CNKSR3: variants seen among roughly 807,000 people sequenced by gnomAD.
CNKSR3 encodes the protein CNKSR family member 3.
In CNKSR3, 36 loss-of-function variants were observed where a neutral mutation model predicts 67.7. That is an observed-to-expected ratio of 0.53 (90% CI 0.41 to 0.70). The LOEUF is 0.70. Ranked by LOEUF, CNKSR3 falls within the 30% of genes least tolerant of loss-of-function variation. The probability of loss-of-function intolerance (pLI) is 0.00; values close to 1 mark genes in which losing one functional copy is unlikely to be tolerated. For missense variants in CNKSR3, 630 were observed against 695.2 expected (o/e 0.91, Z 1.05); for synonymous variants, 281 against 271.4 (o/e 1.04, Z -0.35).
At chr6:154,490,922 C>T (rs1035366708) in intron 1 of CNKSR3, among the ~76,000 whole-genome samples, 4 of 152,012 alleles carry the variant, frequency 2.6e-5, no homozygotes, top group African/African-American at 9.7e-5. Context: ...TCTTGGCTCA[C>T]TGCAACCCTC....
intron 10 of CNKSR3, 94 bp downstream of exon 10, chr6:154,414,205 G>T: frequency 7.4e-7 from 1 of 1,355,770 alleles, no homozygotes; most frequent in Non-Finnish European, 9.9e-7. Flanking sequence ...CTGTGGCTCA[G>T]CAACTTCCTC....
At chr6:154,429,701 C>T (rs1785325673) in intron 6 of CNKSR3, among the ~76,000 whole-genome samples, 1 of 152,068 alleles carries the variant, frequency 6.6e-6, no homozygotes, top group African/African-American at 2.4e-5. Context: ...ACATTAGATA[C>T]TTTCCCCCTC....
chr6:154,461,981 A>T (rs1472328040), intron 1 of CNKSR3, among the ~76,000 whole-genome samples: 1 of 152,252 alleles, frequency 6.6e-6, no homozygotes, highest in Non-Finnish European at 1.5e-5. Context: ...GAGGCTGGAA[A>T]AGGGCCGAAA....
At position 154,494,314 on chromosome 6, in the gene CNKSR3, G is replaced by A. The variant is rs1010114308; in HGVS notation, c.52+15749C>T. Among the ~76,000 whole-genome samples, 17 of 152,238 alleles carry A rather than the reference G, an allele frequency of 1.1e-4. No individual in the cohort carries two copies. In the South Asian group the frequency reaches 2.9e-3, roughly 26 times the overall value. ...TATGAGAACTCACTCACTATCATGA[G>A]AATAGCATAGGGGAAACTGTCCCCA... On this transcript the variant is annotated intron_variant, in intron 1 of 12. Coordinates refer to ENST00000607772, the MANE Select transcript of CNKSR3 (RefSeq NM_173515.4).
rs1265367015 is a variant in CNKSR3 at position 154,395,958 on chromosome 6, T to G, written c.*10396A>C. The G allele has an allele frequency of 6.6e-6, 1 of 152,436 alleles. No homozygotes were observed. Among genetic ancestry groups the G allele is most frequent in the Non-Finnish European group, 1.5e-5 (1 of 68,240 alleles). 9.4% of individuals were successfully genotyped at this position (152,436 alleles called of 1,614,324 possible). ...GTTGTCCAGGCTGGTCTCAAACTCC[T>G]GGGCTCAAGCAATCCACCGGCCTCA... On this transcript the variant is annotated 3_prime_UTR_variant, in exon 13 of 13. Transcript: ENST00000607772.
intron 1 of CNKSR3, among the ~76,000 whole-genome samples, chr6:154,464,073 G>C (rs1411193997): frequency 6.6e-6 from 1 of 152,206 alleles, no homozygotes; most frequent in Non-Finnish European, 1.5e-5. Flanking sequence ...TACATGATAA[G>C]ATCATACGAG....
At chr6:154,446,839 C>G (rs1222521701) in intron 2 of CNKSR3, among the ~76,000 whole-genome samples, 1 of 139,786 alleles carries the variant, frequency 7.2e-6, no homozygotes, top group Non-Finnish European at 1.5e-5. Context: ...GTGTCTCACT[C>G]TGTCGCCCAG....
At chr6:154,465,362 T>A (rs1229374407) in intron 1 of CNKSR3, among the ~76,000 whole-genome samples, 1 of 152,118 alleles carries the variant, frequency 6.6e-6, no homozygotes, top group Non-Finnish European at 1.5e-5. Flanking sequence ...AATGCACATA[T>A]AAAATTACAC....
chr6:154,424,230 CAAAAAAAA>C (rs56218677), intron 7 of CNKSR3, among the ~76,000 whole-genome samples: 1 of 73,010 alleles, frequency 1.4e-5, no homozygotes, highest in Admixed American at 1.4e-4. Context: ...GACTCCGTCT[CAAAAAAAA>C]AAAAAAAAAA....
intron 1 of CNKSR3, among the ~76,000 whole-genome samples, chr6:154,474,387 C>T (rs79004482): frequency 0.099 from 14,619 of 147,444 alleles, 833 homozygotes; most frequent in South Asian, 0.19. Context: ...CACTCCAGCC[C>T]GGGTGACAAA....
At chr6:154,453,540 C>A (rs1282049788) in intron 1 of CNKSR3, among the ~76,000 whole-genome samples, 1 of 152,138 alleles carries the variant, frequency 6.6e-6, no homozygotes, top group Non-Finnish European at 1.5e-5. Flanking sequence ...CACGTTACTG[C>A]CCACATAAGA....
At chr6:154,496,416 C>A (rs1786879728) in intron 1 of CNKSR3, among the ~76,000 whole-genome samples, 1 of 142,948 alleles carries the variant, frequency 7.0e-6, no homozygotes, top group African/African-American at 2.5e-5. Flanking sequence ...TCCACAGCAG[C>A]CCGCAGGAGA....
intron 4 of CNKSR3, among the ~76,000 whole-genome samples, chr6:154,436,021 G>A (rs1411331002): frequency 2.6e-5 from 4 of 152,210 alleles, no homozygotes; most frequent in South Asian, 4.1e-4. Context: ...GTGATGGCAC[G>A]CGTCAAGCGT....
chr6:154,429,474 A>C (rs928121013), intron 6 of CNKSR3, among the ~76,000 whole-genome samples: 1 of 152,152 alleles, frequency 6.6e-6, no homozygotes, highest in Non-Finnish European at 1.5e-5. Context: ...CTGCCTACTC[A>C]GGACATTTAT....
intron 1 of CNKSR3, among the ~76,000 whole-genome samples, chr6:154,492,997 A>AC (rs200163284): frequency 6.6e-6 from 1 of 151,938 alleles, no homozygotes; most frequent in Non-Finnish European, 1.5e-5. Context: ...CCCTGATCCC[A>AC]CCCTTGCAAA....
At chr6:154,433,369 A>T in intron 5 of CNKSR3, 97 bp downstream of exon 5, 1 of 805,010 alleles carries the variant, frequency 1.2e-6, no homozygotes, top group Admixed American at 2.4e-5. Context: ...ATTTCAAAGT[A>T]TCTCCTGAAG....
rs1466988244 is a variant in CNKSR3 at position 154,422,954 on chromosome 6, A to G, written c.759T>C (p.His253=). The G allele has an allele frequency of 1.2e-6, 2 of 1,613,274 alleles. No individual in the cohort carries two copies. Among genetic ancestry groups the G allele is most frequent in the Non-Finnish European group, 1.7e-6 (2 of 1,179,486 alleles). ...NSPADRSQKI[H]AGDEVIQVNQ... ...TAACTTGAATGACTTCGTCACCAGC[A>G]TGAATCTTCTGAGATCTGTCTGCAG... The change falls in exon 8 of 13, where the codon CAT becomes CAC. Residue 253 remains histidine, a synonymous_variant. Transcript: ENST00000607772.
intron 1 of CNKSR3, among the ~76,000 whole-genome samples, chr6:154,499,718 T>C (rs7771691): frequency 0.16 from 24,776 of 152,092 alleles, 2,645 homozygotes; most frequent in African/African-American, 0.31. Context: ...CATCCTCCTG[T>C]CTCAGCCTCC....
chr6:154,432,280 G>A (rs1785386177), intron 5 of CNKSR3, among the ~76,000 whole-genome samples: 1 of 152,032 alleles, frequency 6.6e-6, no homozygotes, highest in Admixed American at 6.5e-5. Context: ...TCTCTTCATA[G>A]GCTTATTTGC....
Sources: allele counts gnomAD v4.1 joint callset (sites outside exome capture counted in the v4.1 genomes callset), GRCh38; gene constraint gnomAD v4.1.1; transcripts MANE v1.5; gene names NCBI Gene and HGNC (gene_info 2026-07-23, HGNC 2026-07-21).